Variants in GPM6B observed in about 807,000 individuals in gnomAD.
The protein encoded by GPM6B is neuronal membrane glycoprotein M6-b.
A neutral mutation model predicts 27.2 loss-of-function variants in GPM6B; 4 were observed. That is an observed-to-expected ratio of 0.15 (90% CI 0.07 to 0.34). The LOEUF is 0.34. GPM6B is among the 10% of genes least tolerant of loss of function. The pLI is 1.00. For synonymous variants in GPM6B, 124 were observed against 103.1 expected, an observed-to-expected ratio of 1.20 and a Z score of -1.23; for missense variants, 183 against 261.9, an observed-to-expected ratio of 0.70 and a Z score of 2.08.
chrX:13,902,081 T>C, intron 1 of GPM6B, among the ~76,000 whole-genome samples: 1 of 111,751 alleles, frequency 8.9e-6, no homozygotes. Context: ...ATTAGTTGAC[T>C]ATGGAACAGG....
chrX:13,853,300 G>T (rs1261681267), intron 1 of GPM6B, among the ~76,000 whole-genome samples: 2 of 110,722 alleles, frequency 1.8e-5, no homozygotes, highest in Non-Finnish European at 3.8e-5. Context: ...AGGATACAAG[G>T]ATCATAAAGG....
At chrX:13,891,836 C>G (rs1569289909) in intron 1 of GPM6B, among the ~76,000 whole-genome samples, 1 of 111,742 alleles carries the variant, frequency 8.9e-6, no homozygotes, top group South Asian at 3.7e-4. Flanking sequence ...ACAGAGAGCA[C>G]GGATGCACTG....
intron 1 of GPM6B, among the ~76,000 whole-genome samples, chrX:13,856,499 G>A (rs1432450667): frequency 8.9e-6 from 1 of 111,807 alleles, no homozygotes; most frequent in African/African-American, 3.3e-5. Flanking sequence ...CCTATGCACA[G>A]TGAAATTTGG....
upstream of GPM6B, among the ~76,000 whole-genome samples, chrX:13,822,334 T>C (rs901001891): frequency 1.8e-5 from 2 of 111,361 alleles, no homozygotes; most frequent in Non-Finnish European, 3.8e-5. Context: ...TAAATTGTGC[T>C]TAAAATAAGT....
upstream of GPM6B, among the ~76,000 whole-genome samples, chrX:13,818,723 T>A (rs750234404): frequency 8.9e-6 from 1 of 112,580 alleles, no homozygotes; most frequent in East Asian, 2.8e-4. Context: ...TCGTTTGTGA[T>A]ATAATTATTT....
upstream of GPM6B, chrX:13,938,490 C>A: frequency 1.1e-6 from 1 of 944,403 alleles, no homozygotes; most frequent in Non-Finnish European, 1.3e-6. Context: ...TGGCGCGCAG[C>A]CAGCGCGCTC....
rs2048321796 is a variant in GPM6B, at chrX:13,772,608, G to A, written c.*273C>T. On this transcript the variant is annotated 3_prime_UTR_variant, in exon 8 of 8. Transcript: ENST00000316715. ...GTAGAATTGCCCTAGCAATAAATGT[G>A]AACATGCCACAAATTCCCAAAGTAT... 2 of 288,318 alleles carry A rather than the reference G, an allele frequency of 6.9e-6. No homozygotes were observed. Among genetic ancestry groups the A allele is most frequent in the Non-Finnish European group, 1.2e-5 (2 of 162,086 alleles). The allele number at this position is 288,318 out of a possible 1,213,427, so 23.8% of individuals were successfully genotyped here. A position where few individuals can be genotyped will look rare whatever the true frequency, so the allele number is the denominator to read the frequency against.
intron 4 of GPM6B, 37 bp from the exon 5 acceptor site, chrX:13,780,026 A>C (rs780086024): frequency 4.5e-6 from 5 of 1,106,624 alleles, no homozygotes; most frequent in Non-Finnish European, 6.1e-6. Context: ...TCATCACTGA[A>C]ACAGGTAGAT....
intron 1 of GPM6B, among the ~76,000 whole-genome samples, chrX:13,869,711 G>T (rs2049955171): frequency 8.9e-6 from 1 of 111,876 alleles, no homozygotes; most frequent in Admixed American, 9.5e-5. Context: ...GATAAATTCA[G>T]ACTTTCAGCA....
At chrX:13,805,050 G>C (rs914554565) in intron 2 of GPM6B, among the ~76,000 whole-genome samples, 13 of 111,481 alleles carry the variant, frequency 1.2e-4, no homozygotes, top group African/African-American at 4.2e-4. Flanking sequence ...AACAGTCCCC[G>C]TGGAGGCATC....
chrX:13,834,451 T>C (rs181593521), intron 1 of GPM6B, among the ~76,000 whole-genome samples: 1 of 112,641 alleles, frequency 8.9e-6, no homozygotes, highest in East Asian at 2.8e-4. Flanking sequence ...AAATCAATGC[T>C]TGTTAATGTC....
At position 13,867,296 on chromosome X, in the gene GPM6B, G is replaced by C. The variant is rs1415233182; in HGVS notation, c.-198+71031C>G. Among the ~76,000 whole-genome samples, 6 of 111,255 alleles carry C rather than the reference G, an allele frequency of 5.4e-5. No homozygotes were observed. The South Asian group carries it at 1.2e-3, about 21-fold the overall frequency. On this transcript the variant is annotated intron_variant, in intron 1 of 6. Transcript: ENST00000398361. ...GGCTAATTTTTGTATCTTCTGTAGA[G>C]ATGGGGTTTTGCCACGTTGCCCCAG...
intron 2 of GPM6B, among the ~76,000 whole-genome samples, chrX:13,800,968 C>T (rs780793736): frequency 1.7e-4 from 18 of 108,987 alleles, no homozygotes; most frequent in African/African-American, 5.4e-4. Flanking sequence ...TGCCACCATG[C>T]CCATATGAAA....
intron 1 of GPM6B, among the ~76,000 whole-genome samples, chrX:13,901,270 C>A (rs1165305774): frequency 2.7e-5 from 3 of 110,948 alleles, no homozygotes; most frequent in Non-Finnish European, 5.7e-5. Flanking sequence ...AGAAAATAAG[C>A]ATCCCAAACA....
chrX:13,867,399 T>G (rs573221192), intron 1 of GPM6B, among the ~76,000 whole-genome samples: 48 of 112,629 alleles, frequency 4.3e-4, no homozygotes, highest in African/African-American at 1.5e-3. Context: ...CGTGAGCCGC[T>G]GTGCCTGGCA....
At chrX:13,812,644 T>A (rs955021191) in intron 1 of GPM6B, among the ~76,000 whole-genome samples, 9 of 111,580 alleles carry the variant, frequency 8.1e-5, no homozygotes, top group Admixed American at 1.9e-4. Flanking sequence ...CAAGACAAAG[T>A]CACTTTATTA....
chrX:13,895,571 C>G (rs1453524092), intron 1 of GPM6B, among the ~76,000 whole-genome samples: 4 of 111,625 alleles, frequency 3.6e-5, no homozygotes, highest in Non-Finnish European at 5.6e-5. Context: ...CTGCTAGTTC[C>G]ATGAGATTTT....
chrX:13,903,212 G>A (rs930279977), intron 1 of GPM6B, among the ~76,000 whole-genome samples: 8 of 111,482 alleles, frequency 7.2e-5, no homozygotes, highest in Non-Finnish European at 1.5e-4. Context: ...TGTCTCCCAC[G>A]CAGGGTCTCA....
At chrX:13,836,981 G>C (rs57292802) in intron 1 of GPM6B, among the ~76,000 whole-genome samples, 5,635 of 112,245 alleles carry the variant, frequency 0.05, 339 homozygotes, top group African/African-American at 0.17. Context: ...TTTTCATATT[G>C]TTGAACACAG....
Sources: gnomAD v4.1 joint callset for allele counts (sites outside exome capture counted in the v4.1 genomes callset) on GRCh38, gnomAD v4.1.1 for gene constraint, MANE v1.5 for transcripts, NCBI Gene and HGNC (gene_info 2026-07-23, HGNC 2026-07-21) for gene names.